Variants in ADGRV1 observed in about 807,000 individuals in gnomAD.
The protein encoded by ADGRV1 is G-protein coupled receptor 98.
In ADGRV1, 359 loss-of-function variants were observed where a neutral mutation model predicts 596.2. That is an observed-to-expected ratio of 0.60 (90% confidence interval 0.55 to 0.66). The LOEUF is 0.66. ADGRV1 is among the 30% of genes least tolerant of loss of function. ADGRV1 has a pLI of 0.00. For missense variants in ADGRV1, 7,274 were observed against 7,575.6 expected (o/e 0.96, Z 1.48); for synonymous variants, 2,681 against 2,679.2 (o/e 1.00, Z -0.02).
chr5:90,627,352 G>C lies in ADGRV1; in HGVS notation c.814G>C (p.Val272Leu). 1 of 1,613,872 alleles carries C rather than the reference G, an allele frequency of 6.2e-7. No individual in the cohort carries two copies. The highest frequency in any genetic ancestry group is 1.1e-5 in the South Asian group (1 of 91,068). Residue 272 changes from valine to leucine, a missense_variant, in exon 7 of 90, where the codon GTT (valine) becomes CTT (leucine). Transcript: ENST00000405460. Reference sequence around the variant, plus strand: ...GAGATTCCTTCAGAGTATTTATTTGGTTCCTGAGGAAGACCACATACTCAT... The same window carrying C: ...GAGATTCCTTCAGAGTATTTATTTGCTTCCTGAGGAAGACCACATACTCAT... Reference protein sequence around the residue: ...PVRFLQSIYLVPEEDHILIIP... With the variant: ...PVRFLQSIYLLPEEDHILIIP...
At chr5:90,986,735 G>T (rs985620613) in intron 85 of ADGRV1, among the ~76,000 whole-genome samples, 2 of 152,050 alleles carry the variant, frequency 1.3e-5, no homozygotes, top group Non-Finnish European at 2.9e-5. Flanking sequence ...AGGAACGATG[G>T]CATCTTTCAG....
intron 84 of ADGRV1, among the ~76,000 whole-genome samples, chr5:90,976,628 T>A (rs1296732770): frequency 6.6e-6 from 1 of 152,062 alleles, no homozygotes; most frequent in East Asian, 1.9e-4. Context: ...TCAGTTGGAT[T>A]TCCAAAGCAT....
intron 86 of ADGRV1, chr5:91,092,642 A>G (rs1326106468): frequency 1.3e-5 from 2 of 152,182 alleles, no homozygotes; most frequent in African/African-American, 4.8e-5. Context: ...ACAAAGGAAG[A>G]AATAGAATGA....
chr5:91,030,196 T>A (rs951452862), intron 85 of ADGRV1, among the ~76,000 whole-genome samples: 3 of 152,126 alleles, frequency 2.0e-5, no homozygotes, highest in Non-Finnish European at 4.4e-5. Context: ...GAGATTATAT[T>A]GATAGATATT....
intron 83 of ADGRV1, among the ~76,000 whole-genome samples, chr5:90,915,983 G>A (rs540366440): frequency 6.6e-6 from 1 of 152,130 alleles, no homozygotes; most frequent in Non-Finnish European, 1.5e-5. Flanking sequence ...TGGTTTAGAA[G>A]GGTATGGGCA....
chr5:90,674,061 A>G lies in ADGRV1; in HGVS notation c.4937A>G (p.Asn1646Ser), dbSNP rs968118880. 2 of 1,608,182 alleles carry G rather than the reference A, an allele frequency of 1.2e-6. No homozygotes were observed. The highest frequency in any genetic ancestry group is 1.7e-5 in the Admixed American group (1 of 59,766). ...FLPWQRSEVL[N>S]IYVLDDDIPE... ...GGATATTTATATTTTTAGGTTCTGAATATATATGTTCTTGATGATGATATT... is the reference window on the plus strand; with the variant it reads ...GGATATTTATATTTTTAGGTTCTGAGTATATATGTTCTTGATGATGATATT... Residue 1646 changes from asparagine (N) to serine (S), a missense_variant, in exon 23 of 90, where the codon AAT (asparagine) becomes AGT (serine). Asn to Ser is a conservative substitution (Grantham distance 46). Transcript: ENST00000405460.
rs1282421725 is a variant in ADGRV1 at position 90,810,921 on chromosome 5, A to G, written c.15661A>G (p.Ser5221Gly). The G allele has an allele frequency of 6.8e-6, 11 of 1,613,932 alleles. No homozygotes were observed. Among genetic ancestry groups the G allele is most frequent in the Non-Finnish European group, 8.5e-6 (10 of 1,179,908 alleles). Residue 5221 changes from serine (S) to glycine (G), a missense_variant, in exon 74 of 90, where the codon AGC becomes GGC. Physicochemically the swap from Ser to Gly is moderately conservative, Grantham distance 56 (BLOSUM62 0). Around this residue, in one of 5 missense-constraint regions of ADGRV1, gnomAD observed 1,874 missense variants for 1,970.2 expected, o/e 0.95. Transcript: ENST00000405460. ...CAATGTTTCCATTCATGGAACATTC[A>G]GCCTTGGGCCATCCATTGTTTATAT... ...TANVSIHGTF[S>G]LGPSIVYIEE...
At chr5:91,090,271 C>A (rs1171949465) in intron 86 of ADGRV1, among the ~76,000 whole-genome samples, 1 of 152,274 alleles carries the variant, frequency 6.6e-6, no homozygotes, top group Non-Finnish European at 1.5e-5. Context: ...AATAGAATTA[C>A]TCTAATAATA....
chr5:90,749,958 G>C (rs1165554014), intron 52 of ADGRV1, among the ~76,000 whole-genome samples: 2 of 152,198 alleles, frequency 1.3e-5, no homozygotes. Context: ...CACCATCAAA[G>C]GAGGCAGAAG....
At chr5:90,915,244 T>C (rs900270455) in intron 83 of ADGRV1, among the ~76,000 whole-genome samples, 2 of 152,186 alleles carry the variant, frequency 1.3e-5, no homozygotes, top group African/African-American at 2.4e-5. Context: ...TTCTTAATTA[T>C]CGTTTGTATA....
intron 86 of ADGRV1, among the ~76,000 whole-genome samples, chr5:91,097,791 G>A (rs565319960): frequency 1.3e-5 from 2 of 152,064 alleles, no homozygotes; most frequent in Non-Finnish European, 2.9e-5. Flanking sequence ...ATGGTATCAC[G>A]GTGGTTTTGA....
chr5:91,146,077 AC>A lies in ADGRV1; in HGVS notation c.18433-3952del, dbSNP rs146831500. Among the ~76,000 whole-genome samples, 3 of 152,348 alleles carry A rather than the reference AC, an allele frequency of 2.0e-5. No homozygotes were observed. The East Asian group carries it at 5.8e-4, about 29-fold the overall frequency. ...ATGCCATTTTTCGCAAAATGAAGAT[AC>A]TTATTCATGTTTTCTGAAAAATCTT... On this transcript the variant is annotated intron_variant, in intron 87 of 89. Transcript: ENST00000405460.
At chr5:90,807,171 T>A (rs1442059760) in intron 72 of ADGRV1, among the ~76,000 whole-genome samples, 5 of 152,176 alleles carry the variant, frequency 3.3e-5, no homozygotes, top group African/African-American at 1.2e-4. Context: ...TTAATAGTTG[T>A]TACAGTCTGC....
chr5:90,924,772 C>T lies in ADGRV1; in HGVS notation c.17857-40643C>T, dbSNP rs572897086. Among the ~76,000 whole-genome samples, 23 of 151,072 alleles carry T rather than the reference C, an allele frequency of 1.5e-4. No individual in the cohort carries two copies. The East Asian group carries it at 3.5e-3, about 23-fold the overall frequency. On this transcript the variant is annotated intron_variant, in intron 83 of 89. Transcript: ENST00000405460. ...AGGGTTTTTATGGTTTTAGGTCTAA[C>T]GTTTAAGTCTTTAATCCGTCTTGAA...
chr5:90,720,297 C>A, intron 44 of ADGRV1, 74 bp downstream of exon 44: 1 of 970,750 alleles, frequency 1.0e-6, no homozygotes, highest in Non-Finnish European at 1.5e-6. Flanking sequence ...TAAGAAAATG[C>A]AGAAGGAAAT....
intron 82 of ADGRV1, among the ~76,000 whole-genome samples, chr5:90,862,277 C>T (rs868580514): frequency 6.6e-6 from 1 of 150,528 alleles, no homozygotes; most frequent in Non-Finnish European, 1.5e-5. Context: ...AGTCAACTTA[C>T]AGCAGAGCAC....
chr5:90,668,484 G>T (rs946566080), intron 21 of ADGRV1, among the ~76,000 whole-genome samples: 4 of 152,104 alleles, frequency 2.6e-5, no homozygotes, highest in Non-Finnish European at 4.4e-5. Context: ...CATGGTGCGC[G>T]CACCCACTGA....
intron 1 of ADGRV1, among the ~76,000 whole-genome samples, chr5:90,570,354 C>A (rs933288717): frequency 6.6e-6 from 1 of 152,060 alleles, no homozygotes; most frequent in African/African-American, 2.4e-5. Flanking sequence ...TTTCGTGATT[C>A]TCTCTTTGTC....
chr5:90,853,482 C>G lies in ADGRV1; in HGVS notation c.17403C>G (p.Ser5801Arg). The change falls in exon 80 of 90, where the codon AGC becomes AGG. Residue 5801 changes from serine (S) to arginine (R), a missense_variant. Coordinates refer to ENST00000405460, the MANE Select transcript of ADGRV1 (RefSeq NM_032119.4). ...AATTAGTCCAGTTTACAGAGTATAG[C>G]AGCCAACAGTGGTTTATAAGTGGAA... Reference protein sequence around the residue: ...TCKLVQFTEYSSQQWFISGNN... With the variant: ...TCKLVQFTEYRSQQWFISGNN... The G allele has an allele frequency of 1.9e-6, 3 of 1,612,830 alleles. No homozygotes were observed. Among genetic ancestry groups the G allele is most frequent in the Non-Finnish European group, 2.5e-6 (3 of 1,179,192 alleles).
Sources: gnomAD v4.1 joint callset for allele counts (sites outside exome capture counted in the v4.1 genomes callset) on GRCh38, gnomAD v4.1.1 for gene constraint, gnomAD v4.1.1 regional missense constraint, MANE v1.5 for transcripts, NCBI Gene and HGNC (gene_info 2026-07-23, HGNC 2026-07-21) for gene names.